The following BCAS3 variants were observed in gnomAD, a reference collection of about 807,000 sequenced individuals.
The protein encoded by BCAS3 is BCAS4/BCAS3 fusion.
In BCAS3, 53 loss-of-function variants were observed where a neutral mutation model predicts 116.1. The ratio of observed to expected loss-of-function variants is 0.46; its 90% CI spans 0.37 to 0.57. The LOEUF (loss-of-function observed/expected upper bound fraction) is 0.57. BCAS3 is among the 20% of genes least tolerant of loss of function. BCAS3 has a pLI of 0.00. For missense variants in BCAS3, 917 were observed against 1,165.4 expected (o/e 0.79, Z 3.10); for synonymous variants, 391 against 408.2 (o/e 0.96, Z 0.51).
chr17:60,693,534 C>T (rs912868634), intron 4 of BCAS3, among the ~76,000 whole-genome samples: 2 of 151,508 alleles, frequency 1.3e-5, no homozygotes, highest in Admixed American at 1.3e-4. Flanking sequence ...CCCACCTCAG[C>T]CTCCTTAGTA....
At chr17:60,908,065 T>C (rs1030072901) in intron 11 of BCAS3, among the ~76,000 whole-genome samples, 2 of 152,212 alleles carry the variant, frequency 1.3e-5, no homozygotes, top group Non-Finnish European at 2.9e-5. Flanking sequence ...AGTAGTATCT[T>C]GTAACTTGCT....
At chr17:60,811,202 C>T in intron 7 of BCAS3, 3 of 694,926 alleles carry the variant, frequency 4.3e-6, no homozygotes, top group South Asian at 1.5e-5. Flanking sequence ...TCCTGCTGCA[C>T]CTAGAGTCAG....
At chr17:60,706,221 C>T (rs1310521489) in intron 4 of BCAS3, among the ~76,000 whole-genome samples, 1 of 152,012 alleles carries the variant, frequency 6.6e-6, no homozygotes, top group Non-Finnish European at 1.5e-5. Context: ...CACCACCACG[C>T]CCGGCTAATT....
Position 61,034,556 on chromosome 17 carries a change from C to A in BCAS3, c.1638-110C>A. 1 of 960,162 alleles carries A rather than the reference C, an allele frequency of 1.0e-6. No homozygotes were observed. The highest frequency in any genetic ancestry group is 1.5e-6 in the Non-Finnish European group (1 of 666,330). 59.5% of individuals were successfully genotyped at this position (960,162 alleles called of 1,614,324 possible). ...TATTACTTAAGGCAAAATGCATGTT[C>A]ATACTGGAGGATTTGAATAGGGGTG... On this transcript the variant is annotated intron_variant, in intron 16 of 23. Transcript: ENST00000407086. The surrounding 1 kb of genome is among the most constrained non-coding windows in gnomAD (Gnocchi z 5.0).
intron 7 of BCAS3, among the ~76,000 whole-genome samples, chr17:60,865,068 A>G (rs1055617556): frequency 5.9e-5 from 9 of 152,316 alleles, no homozygotes; most frequent in African/African-American, 2.2e-4. Context: ...ATAATAATAA[A>G]TGAAAGAGTT....
chr17:61,094,331 A>G lies in BCAS3; in HGVS notation c.2425+9767A>G, dbSNP rs189882469. ...TTGTGATTTGTAAACTGAACTAGCA[A>G]CTGTTTTCATGGAATCCCATTTTAT... On this transcript the variant is annotated intron_variant, in intron 22 of 23. Transcript: ENST00000407086. Among the ~76,000 whole-genome samples the G allele has an allele frequency of 2.5e-3, 382 of 152,342 alleles. 7 individuals carry two copies. The highest frequency in any genetic ancestry group is 0.023 in the Admixed American group (358 of 15,296).
chr17:60,720,755 G>A (rs1017264000), intron 5 of BCAS3, among the ~76,000 whole-genome samples: 8 of 152,322 alleles, frequency 5.3e-5, no homozygotes, highest in African/African-American at 1.7e-4. Flanking sequence ...TATATGCATA[G>A]GTTATGTGCA....
At chr17:60,914,994 G>T (rs2058705907) in intron 12 of BCAS3, among the ~76,000 whole-genome samples, 1 of 152,074 alleles carries the variant, frequency 6.6e-6, no homozygotes, top group Non-Finnish European at 1.5e-5. Flanking sequence ...ACATGTAAAT[G>T]ATATAAAATA....
At chr17:61,232,489 G>A (rs902833391) in intron 22 of BCAS3, among the ~76,000 whole-genome samples, 1 of 152,110 alleles carries the variant, frequency 6.6e-6, no homozygotes, top group Non-Finnish European at 1.5e-5. Flanking sequence ...CAGAGTCCCA[G>A]GTAGGAATAT....
At chr17:61,043,102 C>G (rs143358961) in intron 19 of BCAS3, among the ~76,000 whole-genome samples, 3 of 151,730 alleles carry the variant, frequency 2.0e-5, no homozygotes, top group Non-Finnish European at 4.4e-5. Context: ...CAGTGGCTCA[C>G]GCCTGTAATC....
chr17:61,353,335 T>A (rs1008824039), intron 22 of BCAS3, among the ~76,000 whole-genome samples: 1 of 152,118 alleles, frequency 6.6e-6, no homozygotes, highest in African/African-American at 2.4e-5. Context: ...TGCACACAGA[T>A]CCCCTGGGGG....
At chr17:61,150,814 G>C (rs16944893) in intron 22 of BCAS3, among the ~76,000 whole-genome samples, 12,940 of 152,140 alleles carry the variant, frequency 0.085, 1,894 homozygotes, top group African/African-American at 0.29. Flanking sequence ...ATCCTGACCT[G>C]GTCTTGACCT....
chr17:61,185,480 G>A (rs181534131), intron 22 of BCAS3, among the ~76,000 whole-genome samples: 156 of 152,080 alleles, frequency 1.0e-3, no homozygotes, highest in African/African-American at 3.3e-3. Context: ...TGACCATACC[G>A]TGACCTCTCA....
chr17:60,725,367 G>A (rs2039711951), intron 5 of BCAS3, among the ~76,000 whole-genome samples: 1 of 151,946 alleles, frequency 6.6e-6, no homozygotes, highest in African/African-American at 2.4e-5. Context: ...TTCCACTCTA[G>A]CCCTTCTTGC....
chr17:60,899,263 C>A (rs765943806), intron 10 of BCAS3, among the ~76,000 whole-genome samples: 1 of 152,036 alleles, frequency 6.6e-6, no homozygotes, highest in Non-Finnish European at 1.5e-5. Context: ...GCTCACCCCC[C>A]AGTCCCGGTG....
In BCAS3 at chr17:61,032,177, A is replaced by G. The variant is rs531956131; in HGVS notation, c.1638-2489A>G. Among the ~76,000 whole-genome samples the G allele has an allele frequency of 2.2e-3, 338 of 152,212 alleles. 1 individual carries two copies. The highest frequency in any genetic ancestry group is 3.6e-3 in the Non-Finnish European group (247 of 67,982). On this transcript the variant is annotated intron_variant, in intron 16 of 23. Transcript: ENST00000407086. This position sits in a 1 kb window ranked among gnomAD's most constrained non-coding sequence, Gnocchi z 4.6. ...TGTTTAGGATGCATACTTCAGAGGGACCATATTTTCTCTTAAGAAGAGGCA... is the reference window on the plus strand; with the variant it reads ...TGTTTAGGATGCATACTTCAGAGGGGCCATATTTTCTCTTAAGAAGAGGCA...
intron 10 of BCAS3, among the ~76,000 whole-genome samples, chr17:60,890,581 G>A (rs906463435): frequency 6.6e-6 from 1 of 151,780 alleles, no homozygotes; most frequent in Non-Finnish European, 1.5e-5. Flanking sequence ...TGACTTCTTC[G>A]GTTATTTATC....
chr17:61,226,160 A>G lies in BCAS3; in HGVS notation c.2425+141596A>G, dbSNP rs1048084891. On this transcript the variant is annotated intron_variant, in intron 22 of 23. Coordinates refer to ENST00000407086, the MANE Select transcript of BCAS3 (RefSeq NM_017679.5). The surrounding 1 kb of genome is among the most constrained non-coding windows in gnomAD (Gnocchi z 6.0). ...CCAGGAGTTTGAGTCCAGCCTGGGC[A>G]ATATAGCAAGACCCTAGCTCTAAAA... is the stretch of plus-strand genomic sequence containing the variant. 1.3e-5 allele frequency among the ~76,000 whole-genome samples: 2 copies of G among 152,160 alleles called. No individual in the cohort carries two copies. The highest frequency in any genetic ancestry group is 2.9e-5 in the Non-Finnish European group (2 of 68,042).
rs1452734960 is a variant in BCAS3, at chr17:61,307,056, T to G, written c.2426-61271T>G. Among the ~76,000 whole-genome samples the G allele has an allele frequency of 1.3e-5, 2 of 152,198 alleles. No homozygotes were observed. The highest frequency in any genetic ancestry group is 2.9e-5 in the Non-Finnish European group (2 of 68,034). On this transcript the variant is annotated intron_variant, in intron 22 of 23. Transcript: ENST00000407086. The surrounding 1 kb of genome is among the most constrained non-coding windows in gnomAD (Gnocchi z 4.7). The stretch of plus-strand genomic sequence containing the variant: ...CCAGCTTCTGTGATTCTCTCAAAGG[T>G]CTTTCAGTATTGATCAGGGAGTCAT...
Sources: gnomAD v4.1 joint callset for allele counts (sites outside exome capture counted in the v4.1 genomes callset) on GRCh38, gnomAD v4.1.1 for gene constraint, Gnocchi (gnomAD v3.1) non-coding constraint, MANE v1.5 for transcripts, NCBI Gene and HGNC (gene_info 2026-07-23, HGNC 2026-07-21) for gene names.